Variants in LMNB1 observed in about 807,000 individuals in gnomAD.
LMNB1 encodes lamin B1, also known as lamin-B1.
Under a neutral mutation model 67.1 loss-of-function variants are expected in LMNB1, and 23 were observed. That is an observed-to-expected ratio of 0.34 (90% CI 0.25 to 0.49). The LOEUF is 0.49. Among genes scored for constraint, LMNB1 ranks in the 20% least tolerant of loss-of-function variants. The probability of loss-of-function intolerance (pLI) is 0.99; values close to 1 mark genes in which losing one functional copy is unlikely to be tolerated. For missense variants in LMNB1, 634 were observed against 746.5 expected (o/e 0.85, Z 1.76); for synonymous variants, 281 against 282.9 (o/e 0.99, Z 0.07).
intron 10 of LMNB1, among the ~76,000 whole-genome samples, chr5:126,834,692 C>T (rs1191929964): frequency 4.6e-5 from 7 of 152,124 alleles, no homozygotes; most frequent in African/African-American, 1.7e-4. Flanking sequence ...CTGGCTAACA[C>T]GGTGAAACCC....
At chr5:126,814,103 C>T (rs1751646008) in intron 5 of LMNB1, among the ~76,000 whole-genome samples, 1 of 152,174 alleles carries the variant, frequency 6.6e-6, no homozygotes, top group Admixed American at 6.5e-5. Flanking sequence ...CCATGTTGGT[C>T]AGGCCGGTCT....
Position 126,777,915 on chromosome 5 carries a change from G to A in LMNB1, c.359+48G>A, listed in dbSNP as rs1750514325. ...GTTAGCGCCAAGGAGGGGCGGGGGCGCAACCGCGGCGACCAGCTCACCGGG... is the reference window on the plus strand; with the variant it reads ...GTTAGCGCCAAGGAGGGGCGGGGGCACAACCGCGGCGACCAGCTCACCGGG... On this transcript the variant is annotated intron_variant, in intron 1 of 10. Transcript: ENST00000261366. 3.6e-6 allele frequency: 5 copies of A among 1,376,722 alleles called. No individual in the cohort carries two copies. The South Asian group carries it at 8.2e-5, about 23-fold the overall frequency. 85.3% of individuals were successfully genotyped at this position (1,376,722 alleles called of 1,614,324 possible). A position where few individuals can be genotyped will look rare whatever the true frequency, so the allele number is the denominator to read the frequency against.
chr5:126,805,730 G>A (rs1283514250), intron 3 of LMNB1, 34 bp downstream of exon 3: 2 of 1,519,896 alleles, frequency 1.3e-6, no homozygotes, highest in Non-Finnish European at 1.8e-6. Context: ...GTAAAGGAAT[G>A]GAGGGGTTCT....
intron 2 of LMNB1, among the ~76,000 whole-genome samples, chr5:126,805,137 T>A (rs1304663131): frequency 6.6e-6 from 1 of 152,228 alleles, no homozygotes; most frequent in African/African-American, 2.4e-5. Context: ...ATATCTGGAT[T>A]GGCCAGATCT....
intron 8 of LMNB1, 45 bp from the exon 9 acceptor site, chr5:126,825,943 G>A (rs1751985730): frequency 6.2e-7 from 1 of 1,611,816 alleles, no homozygotes; most frequent in Non-Finnish European, 8.5e-7. Context: ...TGGCGTGTGG[G>A]AGAACTGGGT....
At chr5:126,822,970 G>A (rs781169925) in intron 8 of LMNB1, 85 bp downstream of exon 8, 10 of 817,932 alleles carry the variant, frequency 1.2e-5, no homozygotes, top group East Asian at 1.1e-4. Flanking sequence ...TAAAAGAGAA[G>A]CATTTTAGAA....
chr5:126,777,526 C>CG lies in LMNB1; in HGVS notation c.19dup (p.Val7GlyfsTer35). 1 of 1,389,024 alleles carries CG rather than the reference C, an allele frequency of 7.2e-7. No individual in the cohort carries two copies. Among genetic ancestry groups the CG allele is most frequent in the Non-Finnish European group, 9.3e-7 (1 of 1,070,666 alleles). 86.0% of individuals were successfully genotyped at this position (1,389,024 alleles called of 1,614,324 possible). ...CGCCCGCCATGGCGACTGCGACCCC[C>CG]GTGCCGCCGCGGATGGGCAGCCGCG... On this transcript the variant is annotated frameshift_variant, in exon 1 of 11. Coordinates refer to ENST00000261366, the MANE Select transcript of LMNB1 (RefSeq NM_005573.4). LOFTEE classifies it high-confidence loss of function.
At chr5:126,827,957 C>A in intron 9 of LMNB1, among the ~76,000 whole-genome samples, 1 of 152,164 alleles carries the variant, frequency 6.6e-6, no homozygotes, top group East Asian at 1.9e-4. Context: ...AGGAAGCACA[C>A]TGAGGGCAAG....
chr5:126,799,065 T>G (rs1751192690), intron 1 of LMNB1, among the ~76,000 whole-genome samples: 1 of 150,250 alleles, frequency 6.7e-6, no homozygotes, highest in South Asian at 2.1e-4. Context: ...TCGCCCAGGC[T>G]GGAGTGCAGT....
intron 5 of LMNB1, 66 bp downstream of exon 5, chr5:126,811,964 C>A (rs1751588608): frequency 2.6e-6 from 4 of 1,526,686 alleles, no homozygotes; most frequent in Non-Finnish European, 3.6e-6. Flanking sequence ...CACCTACCTG[C>A]TTTGCTTGGG....
chr5:126,800,183 G>T (rs929518279), intron 1 of LMNB1, among the ~76,000 whole-genome samples: 1 of 152,160 alleles, frequency 6.6e-6, no homozygotes, highest in African/African-American at 2.4e-5. Context: ...AGGCACTGAG[G>T]ATCTGAAGGT....
intron 1 of LMNB1, among the ~76,000 whole-genome samples, chr5:126,787,546 A>ATTTTTTTTTTTTTTTTTTTTTTTTT (rs142332901): frequency 1.5e-5 from 1 of 65,584 alleles, no homozygotes; most frequent in Non-Finnish European, 2.7e-5. Context: ...ATATATATAT[A>ATTTTTTTTTTTTTTTTTTTTTTTTT]TTTTTTTTTT....
intron 10 of LMNB1, among the ~76,000 whole-genome samples, chr5:126,834,164 G>C (rs1752195319): frequency 6.6e-6 from 1 of 151,822 alleles, no homozygotes; most frequent in Non-Finnish European, 1.5e-5. Context: ...TTATAGCATG[G>C]CAATTGTCTA....
At chr5:126,825,960 T>C (rs754973731) in intron 8 of LMNB1, 28 bp from the exon 9 acceptor site, 6 of 1,612,692 alleles carry the variant, frequency 3.7e-6, no homozygotes, top group Non-Finnish European at 5.1e-6. Flanking sequence ...GGGTTCTGGG[T>C]GTACTGACAT....
At chr5:126,828,801 T>TTCG (rs1245501970) in intron 9 of LMNB1, among the ~76,000 whole-genome samples, 52 of 147,042 alleles carry the variant, frequency 3.5e-4, no homozygotes, top group Middle Eastern at 6.5e-3. Context: ...GACCTTGTGA[T>TTCG]CCGTCACCTC....
At chr5:126,829,788 A>C (rs62391744) in intron 9 of LMNB1, among the ~76,000 whole-genome samples, 25,240 of 151,726 alleles carry the variant, frequency 0.17, 2,126 homozygotes, top group Non-Finnish European at 0.17. Flanking sequence ...AGAGCTCAAG[A>C]CTTCTTCCTC....
chr5:126,778,634 A>G (rs1750545524), intron 1 of LMNB1, among the ~76,000 whole-genome samples: 1 of 152,138 alleles, frequency 6.6e-6, no homozygotes, highest in African/African-American at 2.4e-5. Context: ...TGCGCAGGGA[A>G]GGAAAGCTGG....
At chr5:126,785,708 GCCTTAGGTTGGGCCCAAC>G (rs891490007) in intron 1 of LMNB1, among the ~76,000 whole-genome samples, 13 of 151,576 alleles carry the variant, frequency 8.6e-5, no homozygotes, top group South Asian at 4.2e-4. Context: ...TCTTGGTTGG[GCCTTAGGTTGGGCCCAAC>G]CCTTAGGTTG....
In LMNB1 at chr5:126,836,243, T is replaced by A. The variant is rs375941890; in HGVS notation, c.1740T>A (p.Asn580Lys). The change falls in exon 11 of 11, where the codon AAT becomes AAA. Residue 580 changes from asparagine to lysine, a missense_variant. Coordinates refer to ENST00000261366, the MANE Select transcript of LMNB1 (RefSeq NM_005573.4). The part of the protein sequence containing the change: ...FHQQGTPRAS[N>K]RSCAIM ...ATCAGGGAACCCCAAGAGCATCCAA[T>A]AGAAGCTGTGCAATTATGTAAAATT... 29 of 1,610,226 alleles carry A rather than the reference T, an allele frequency of 1.8e-5. No individual in the cohort carries two copies. Among genetic ancestry groups the A allele is most frequent in the Non-Finnish European group, 2.5e-5 (29 of 1,176,758 alleles).
Sources: gnomAD v4.1 joint callset for allele counts (sites outside exome capture counted in the v4.1 genomes callset) on GRCh38, gnomAD v4.1.1 for gene constraint, MANE v1.5 for transcripts, NCBI Gene and HGNC (gene_info 2026-07-23, HGNC 2026-07-21) for gene names.